The following ZNF611 variants were observed in gnomAD, a reference collection of about 807,000 sequenced individuals.
ZNF611 encodes the protein zinc finger protein 611.
Under a neutral mutation model 8.9 loss-of-function variants are expected in ZNF611, and 6 were observed. The observed-to-expected ratio is 0.68, with a 90% confidence interval of 0.37 to 1.34. ZNF611 has a LOEUF of 1.34. Among genes scored for constraint, ZNF611 ranks in the 40% most tolerant of loss-of-function variants. ZNF611 has a pLI of 0.02. For missense variants in ZNF611, 874 were observed against 841.3 expected (o/e 1.04, Z -0.48); for synonymous variants, 262 against 279.7 (o/e 0.94, Z 0.63).
At chr19:52,712,613 G>C in intron 5 of ZNF611, among the ~76,000 whole-genome samples, 1 of 151,236 alleles carries the variant, frequency 6.6e-6, no homozygotes, top group Admixed American at 6.6e-5. Flanking sequence ...ACTCCAGCAT[G>C]GGTGACAGAG....
At chr19:52,723,112 T>C (rs1041514140) in intron 3 of ZNF611, among the ~76,000 whole-genome samples, 5 of 151,582 alleles carry the variant, frequency 3.3e-5, no homozygotes, top group Non-Finnish European at 7.4e-5. Context: ...CCCCTTCTCT[T>C]TCTAGCTCTT....
Position 52,706,502 on chromosome 19 carries a change from T to A in ZNF611, c.553A>T (p.Asn185Tyr). 6.2e-7 allele frequency: 1 copy of A among 1,614,168 alleles called. No individual in the cohort carries two copies. The highest frequency in any genetic ancestry group is 8.5e-7 in the Non-Finnish European group (1 of 1,180,026). ...EIGNQLEKST[N>Y]DAPSVSTFQR... ...AATGTTGAAACTGAGGGAGCATCAT[T>A]AGTAGACTTCTCAAGTTGATTACCA... Residue 185 changes from asparagine (N) to tyrosine (Y), a missense_variant, in exon 6 of 6, where the codon AAT becomes TAT. By Grantham distance (143) the Asn-to-Tyr change is moderately radical. Coordinates refer to ENST00000652185, the MANE Select transcript of ZNF611 (RefSeq NM_001161499.2).
intron 5 of ZNF611, among the ~76,000 whole-genome samples, chr19:52,709,754 A>T (rs2062268249): frequency 6.6e-6 from 1 of 150,990 alleles, no homozygotes; most frequent in African/African-American, 2.4e-5. Context: ...TTTAGTAGAG[A>T]TGTGGTTTCT....
intron 5 of ZNF611, chr19:52,711,246 C>T (rs1210634089): frequency 6.6e-6 from 1 of 151,998 alleles, no homozygotes; most frequent in Non-Finnish European, 1.5e-5. Context: ...GCAGGAGAAC[C>T]ATTTGAATCC....
At position 52,706,585 on chromosome 19, in the gene ZNF611, C is replaced by A; in HGVS notation, c.470G>T (p.Gly157Val). 2.5e-6 allele frequency: 4 copies of A among 1,614,112 alleles called. No homozygotes were observed. The highest frequency in any genetic ancestry group is 3.4e-6 in the Non-Finnish European group (4 of 1,180,000). ...AGNKPIKDQL[G>V]SSFYSHLPEL... ...AGGCAGATGTGAATAAAAGCTTGAT[C>A]CAAGCTGATCTTTAATAGGCTTGTT... is the stretch of plus-strand genomic sequence containing the variant. The change falls in exon 6 of 6, where the codon GGA (glycine) becomes GTA (valine). Residue 157 changes from glycine to valine, a missense_variant. Coordinates refer to ENST00000652185, the MANE Select transcript of ZNF611 (RefSeq NM_001161499.2).
At chr19:52,713,212 A>C (rs536581862) in intron 5 of ZNF611, among the ~76,000 whole-genome samples, 1 of 152,272 alleles carries the variant, frequency 6.6e-6, no homozygotes, top group Admixed American at 6.5e-5. Flanking sequence ...AACAAACAAA[A>C]AAACAACAAC....
intron 1 of ZNF611, among the ~76,000 whole-genome samples, chr19:52,734,432 G>A (rs1018831246): frequency 6.6e-6 from 1 of 152,006 alleles, no homozygotes; most frequent in African/African-American, 2.4e-5. Flanking sequence ...CGTGCCGCAG[G>A]ACAGGCCCCT....
chr19:52,716,499 G>C (rs1289675210), intron 3 of ZNF611, among the ~76,000 whole-genome samples: 3 of 152,320 alleles, frequency 2.0e-5, no homozygotes, highest in South Asian at 4.1e-4. Flanking sequence ...CCTCCCCTTG[G>C]GGCCTTGTTC....
chr19:52,722,196 C>CA (rs141817982), intron 3 of ZNF611, among the ~76,000 whole-genome samples: 5,699 of 151,038 alleles, frequency 0.038, 343 homozygotes, highest in African/African-American at 0.13. Context: ...ACCGTTTCTA[C>CA]AAAAAAAATA....
At chr19:52,720,077 G>A (rs889639848) in intron 3 of ZNF611, among the ~76,000 whole-genome samples, 13 of 152,136 alleles carry the variant, frequency 8.5e-5, no homozygotes, top group Admixed American at 2.6e-4. Flanking sequence ...CAGAGAGCAC[G>A]GGGTTGGGGG....
rs553452230 is a variant in ZNF611, at chr19:52,721,828, G to A, written c.-19-5915C>T. Among the ~76,000 whole-genome samples, 16 of 152,090 alleles carry A rather than the reference G, an allele frequency of 1.1e-4. No individual in the cohort carries two copies. In the East Asian group the frequency reaches 2.3e-3, roughly 22 times the overall value. ...TGCCCACACTGAAGTGCAATGATGC[G>A]ATCTCAGCTCACCACAACCTCTGCC... On this transcript the variant is annotated intron_variant, in intron 3 of 5. Transcript: ENST00000652185.
At position 52,705,935 on chromosome 19, in the gene ZNF611, C is replaced by T; in HGVS notation, c.1120G>A (p.Glu374Lys). ...HTGEKPYKCE[E>K]CDKVFSRKST... ...TTCCGACTGAAAACTTTGTCACATT[C>T]TTCACATTTGTAAGGTTTCTCTCCA... Residue 374 changes from glutamate (E) to lysine (K), a missense_variant, in exon 6 of 6, where the codon GAA (glutamate) becomes AAA (lysine). Physicochemically the swap from Glu to Lys is moderately conservative, Grantham distance 56 (BLOSUM62 1). Transcript: ENST00000652185. The T allele has an allele frequency of 6.2e-7, 1 of 1,614,112 alleles. No homozygotes were observed. Among genetic ancestry groups the T allele is most frequent in the Non-Finnish European group, 8.5e-7 (1 of 1,180,012 alleles).
Position 52,705,808 on chromosome 19 carries a change from T to C in ZNF611, c.1247A>G (p.His416Arg). ...AFTWHSQLAR[H>R]RRIHTAKKTY... ...TTTCTTTGCAGTATGAATTCTTCTA[T>C]GTCGAGCCAGCTGTGAATGCCACGT... Residue 416 changes from histidine to arginine, a missense_variant, in exon 6 of 6, where the codon CAT becomes CGT. Coordinates refer to ENST00000652185, the MANE Select transcript of ZNF611 (RefSeq NM_001161499.2). 7 of 1,613,994 alleles carry C rather than the reference T, an allele frequency of 4.3e-6. No individual in the cohort carries two copies. The highest frequency in any genetic ancestry group is 3.3e-5 in the South Asian group (3 of 91,060).
intron 1 of ZNF611, among the ~76,000 whole-genome samples, chr19:52,730,413 A>C (rs1252885078): frequency 1.5e-4 from 22 of 149,856 alleles, no homozygotes; most frequent in East Asian, 7.9e-4. Context: ...AAAAAAAAAA[A>C]AAAAAAAAAA....
intron 3 of ZNF611, among the ~76,000 whole-genome samples, chr19:52,719,426 A>G (rs1386296194): frequency 1.3e-5 from 2 of 152,140 alleles, no homozygotes; most frequent in African/African-American, 4.8e-5. Context: ...CTGGCTGAAG[A>G]GGGGTTGCAG....
In ZNF611 at chr19:52,706,304, T is replaced by A. The variant is rs759884215; in HGVS notation, c.751A>T (p.Ile251Leu). The change falls in exon 6 of 6, where the codon ATA (isoleucine) becomes TTA (leucine). Residue 251 changes from isoleucine (I) to leucine (L), a missense_variant. By Grantham distance (5) the Ile-to-Leu change is conservative (BLOSUM62 2). Transcript: ENST00000652185. ...TATTGTTTGTCTCCTAAATGGGGTA[T>A]CTGGTGTTTCCTTAAGAGTGAGCTA... ...NCSSLLRKHQ[I>L]PHLGDKQYKC... is the part of the protein sequence containing the mutation. 3.1e-6 allele frequency: 5 copies of A among 1,614,200 alleles called. No homozygotes were observed. The highest frequency in any genetic ancestry group is 4.2e-6 in the Non-Finnish European group (5 of 1,180,036).
At chr19:52,715,317 T>A (rs1351038527) in intron 4 of ZNF611, among the ~76,000 whole-genome samples, 1 of 151,916 alleles carries the variant, frequency 6.6e-6, no homozygotes, top group Non-Finnish European at 1.5e-5. Flanking sequence ...TAGCTGGGCG[T>A]GGTGGTAGGT....
Position 52,703,153 on chromosome 19 carries a change from A to C in ZNF611, c.*1784T>G, listed in dbSNP as rs2062215476. On this transcript the variant is annotated 3_prime_UTR_variant, in exon 6 of 6. Transcript: ENST00000652185. ...AATACAACTTTTATAACTTAGATTT[A>C]TCTCAAACTCAAACTGCAAAATAAA... 6.6e-6 allele frequency: 1 copy of C among 151,926 alleles called. No individual in the cohort carries two copies. Among genetic ancestry groups the C allele is most frequent in the Admixed American group, 6.6e-5 (1 of 15,198 alleles). The allele number at this position is 151,926 out of a possible 1,614,324, so 9.4% of individuals were successfully genotyped here.
chr19:52,728,392 G>T (rs2062405300), intron 3 of ZNF611, among the ~76,000 whole-genome samples: 1 of 152,122 alleles, frequency 6.6e-6, no homozygotes, highest in African/African-American at 2.4e-5. Flanking sequence ...ATAAAAATCA[G>T]CCAGGCATTA....
Sources: gnomAD v4.1 joint callset for allele counts (sites outside exome capture counted in the v4.1 genomes callset) on GRCh38, gnomAD v4.1.1 for gene constraint, MANE v1.5 for transcripts, NCBI Gene and HGNC (gene_info 2026-07-23, HGNC 2026-07-21) for gene names.